The following MAPK10 variants were observed in gnomAD, a reference collection of about 807,000 sequenced individuals.
The protein encoded by MAPK10 is mitogen-activated protein kinase 10.
In MAPK10, 25 loss-of-function variants were observed where a neutral mutation model predicts 59.3. The ratio of observed to expected loss-of-function variants is 0.42; its 90% confidence interval spans 0.31 to 0.59. The LOEUF is 0.59. Ranked by LOEUF, MAPK10 falls within the 20% of genes least tolerant of loss-of-function variation. The probability of loss-of-function intolerance (pLI) is 0.15; values close to 1 mark genes in which losing one functional copy is unlikely to be tolerated. For synonymous variants in MAPK10, 190 were observed against 200.5 expected, an observed-to-expected ratio of 0.95 and a Z score of 0.44; for missense variants, 351 against 568.9, an observed-to-expected ratio of 0.62 and a Z score of 3.90.
chr4:86,134,968 C>A (rs1220529909), intron 4 of MAPK10, among the ~76,000 whole-genome samples: 2 of 152,230 alleles, frequency 1.3e-5, no homozygotes, highest in African/African-American at 2.4e-5. Flanking sequence ...GAATACTGCG[C>A]TTTTCCGACG....
intron 1 of MAPK10, among the ~76,000 whole-genome samples, chr4:86,583,931 G>A (rs1762483335): frequency 6.6e-6 from 1 of 152,102 alleles, no homozygotes; most frequent in Non-Finnish European, 1.5e-5. Flanking sequence ...GAAAGAAAGG[G>A]CTGGTGATTT....
In MAPK10 at chr4:86,101,919, AG is replaced by A; in HGVS notation, c.538del (p.Leu180SerfsTer11). The A allele has an allele frequency of 6.2e-7, 1 of 1,614,046 alleles. No homozygotes were observed. Among genetic ancestry groups the A allele is most frequent in the Non-Finnish European group, 8.5e-7 (1 of 1,179,914 alleles). On this transcript the variant is annotated frameshift_variant, in exon 7 of 14. Transcript: ENST00000641462. LOFTEE classifies it high-confidence loss of function. Reference sequence around the variant, plus strand: ...CCTGTGAATAATTCCAGCAGAATGGAGGTGCTTAATGCCACACAACATTTGG... The same window carrying A: ...CCTGTGAATAATTCCAGCAGAATGGAGTGCTTAATGCCACACAACATTTGG... ...LYQMLCGIKH[L>X]HSAGIIHRDL...
At chr4:86,353,652 T>C (rs1732845562) in intron 2 of MAPK10, among the ~76,000 whole-genome samples, 1 of 152,180 alleles carries the variant, frequency 6.6e-6, no homozygotes, top group Admixed American at 6.5e-5. Context: ...CTAGGATTAA[T>C]TTCATCAGTC....
chr4:86,072,148 G>T (rs914658347), intron 9 of MAPK10, among the ~76,000 whole-genome samples: 1 of 150,764 alleles, frequency 6.6e-6, no homozygotes. Flanking sequence ...TATTCTCTTT[G>T]AAGCAATTGT....
chr4:86,358,319 G>A (rs1405625795), intron 1 of MAPK10: 55 of 985,272 alleles, frequency 5.6e-5, no homozygotes, highest in South Asian at 9.4e-5. Context: ...ACAACTAGCC[G>A]ATGAGGGATA....
chr4:86,168,241 A>AGCCGAAGCAGGGTGAGGCATTT (rs2072586305), intron 3 of MAPK10, among the ~76,000 whole-genome samples: 1 of 152,248 alleles, frequency 6.6e-6, no homozygotes, highest in South Asian at 2.1e-4. Context: ...ACCGTGCACC[A>AGCCGAAGCAGGGTGAGGCATTT]GCCGAAGCAG....
At chr4:86,151,110 GA>G (rs1312868509) in intron 4 of MAPK10, among the ~76,000 whole-genome samples, 4 of 152,168 alleles carry the variant, frequency 2.6e-5, no homozygotes, top group Non-Finnish European at 5.9e-5. Flanking sequence ...GGTGGAGATG[GA>G]ATCAAGAACA....
chr4:86,115,878 A>G (rs1437191625), intron 4 of MAPK10, among the ~76,000 whole-genome samples: 1 of 152,188 alleles, frequency 6.6e-6, no homozygotes, highest in African/African-American at 2.4e-5. Context: ...CTGCTCTTAC[A>G]CTAATATGTC....
chr4:86,016,826 TGCAAGATAGAGA>T lies in MAPK10; in HGVS notation c.*390_*401del. 1 of 194,044 alleles carries T rather than the reference TGCAAGATAGAGA, an allele frequency of 5.2e-6. No individual in the cohort carries two copies. Among genetic ancestry groups the T allele is most frequent in the Admixed American group, 5.4e-5 (1 of 18,654 alleles). 12.0% of individuals were successfully genotyped at this position (194,044 alleles called of 1,614,324 possible). ...CTGACTAGGCCAAGGAGCAGGTAGA[TGCAAGATAGAGA>T]CACACACATGCTGGATGGGGCCACT... On this transcript the variant is annotated 3_prime_UTR_variant, in exon 14 of 14. Transcript: ENST00000641462.
At chr4:86,438,709 A>T (rs1384011995) in intron 1 of MAPK10, among the ~76,000 whole-genome samples, 1 of 150,832 alleles carries the variant, frequency 6.6e-6, no homozygotes, top group Non-Finnish European at 1.5e-5. Flanking sequence ...AAAAAAAAAC[A>T]TGCAAGGATT....
intron 1 of MAPK10, among the ~76,000 whole-genome samples, chr4:86,550,295 T>C (rs1253486672): frequency 6.8e-6 from 1 of 146,364 alleles, no homozygotes; most frequent in Admixed American, 7.0e-5. Context: ...TCCACAGGGC[T>C]AATTTGGCAT....
chr4:86,468,003 A>G (rs1752356648), intron 1 of MAPK10, among the ~76,000 whole-genome samples: 1 of 152,184 alleles, frequency 6.6e-6, no homozygotes, highest in African/African-American at 2.4e-5. Flanking sequence ...TGATTAGCTG[A>G]ACTGCTTGCC....
intron 1 of MAPK10, among the ~76,000 whole-genome samples, chr4:86,427,392 G>A (rs980919316): frequency 3.9e-5 from 6 of 152,044 alleles, no homozygotes; most frequent in Non-Finnish European, 7.4e-5. Context: ...CGAGTCTAGT[G>A]GCCTCCTACT....
intron 4 of MAPK10, among the ~76,000 whole-genome samples, chr4:86,144,599 C>T (rs1423365242): frequency 6.6e-6 from 1 of 152,166 alleles, no homozygotes; most frequent in Non-Finnish European, 1.5e-5. Flanking sequence ...TTAGATCTCT[C>T]TCCCTCTCTT....
At chr4:86,095,240 G>T (rs2054009996) in intron 9 of MAPK10, 1 of 151,230 alleles carries the variant, frequency 6.6e-6, no homozygotes, top group African/African-American at 2.4e-5. Context: ...AAACCCCCAC[G>T]ATGTTTCTCA....
At chr4:86,329,496 GAAGT>G (rs1298214328) in intron 2 of MAPK10, among the ~76,000 whole-genome samples, 1 of 152,108 alleles carries the variant, frequency 6.6e-6, no homozygotes, top group African/African-American at 2.4e-5. Context: ...TGTATTGTAA[GAAGT>G]AAGATATGTG....
intron 1 of MAPK10, among the ~76,000 whole-genome samples, chr4:86,426,122 T>C (rs1477727299): frequency 1.3e-5 from 2 of 152,234 alleles, no homozygotes; most frequent in African/African-American, 4.8e-5. Flanking sequence ...TAATTAATTA[T>C]GGATATTTAT....
chr4:86,533,445 T>C (rs1476423893), intron 1 of MAPK10, among the ~76,000 whole-genome samples: 2 of 152,156 alleles, frequency 1.3e-5, no homozygotes, highest in Non-Finnish European at 2.9e-5. Flanking sequence ...GAAATAAAAA[T>C]TTTAAATGAA....
At chr4:86,357,049 G>A (rs1734881317) in intron 1 of MAPK10, 1 of 152,186 alleles carries the variant, frequency 6.6e-6, no homozygotes, top group Non-Finnish European at 1.5e-5. Flanking sequence ...AAGCTTAAAA[G>A]AGACTGTAAG....
Sources: gnomAD v4.1 joint callset for allele counts (sites outside exome capture counted in the v4.1 genomes callset) on GRCh38, gnomAD v4.1.1 for gene constraint, MANE v1.5 for transcripts, NCBI Gene and HGNC (gene_info 2026-07-23, HGNC 2026-07-21) for gene names.